RMND5A: variants seen among roughly 807,000 people sequenced by gnomAD.
The protein encoded by RMND5A is E3 ubiquitin-protein transferase RMND5A.
A neutral mutation model predicts 49.7 loss-of-function variants in RMND5A; 17 were observed. The ratio of observed to expected loss-of-function variants is 0.34; its 90% CI spans 0.23 to 0.51. The LOEUF (loss-of-function observed/expected upper bound fraction) is 0.51, where lower values mean the gene tolerates loss of function less well. Among genes scored for constraint, RMND5A ranks in the 20% least tolerant of loss-of-function variants. The probability of loss-of-function intolerance (pLI) is 0.96; values close to 1 mark genes in which losing one functional copy is unlikely to be tolerated. For synonymous variants in RMND5A, 156 were observed against 167.7 expected (o/e 0.93, Z 0.54); for missense variants, 255 against 471.3 (o/e 0.54, Z 4.25).
At chr2:86,750,666 C>T (rs1319514047) in intron 2 of RMND5A, among the ~76,000 whole-genome samples, 1 of 152,028 alleles carries the variant, frequency 6.6e-6, no homozygotes, top group Non-Finnish European at 1.5e-5. Context: ...TTGGGAAATA[C>T]TCTTCAACTA....
chr2:86,765,862 T>C lies in RMND5A; in HGVS notation c.692T>C (p.Ile231Thr). 1 of 1,612,586 alleles carries C rather than the reference T, an allele frequency of 6.2e-7. No individual in the cohort carries two copies. The highest frequency in any genetic ancestry group is 8.5e-7 in the Non-Finnish European group (1 of 1,179,478). Residue 231 changes from isoleucine (I) to threonine (T), a missense_variant, in exon 6 of 9, where the codon ATT (isoleucine) becomes ACT (threonine). Physicochemically the swap from Ile to Thr is moderately conservative, Grantham distance 89. Around this residue, in one of 3 missense-constraint regions of RMND5A, gnomAD observed 208 missense variants for 339.8 expected, o/e 0.61. Coordinates refer to ENST00000283632, the MANE Select transcript of RMND5A (RefSeq NM_022780.4). ...TTCTTGCTGGTGCTTTTTTTAGACATTCAGGTTTTGATGGGAAGCCTTGTG... is the reference window on the plus strand; with the variant it reads ...TTCTTGCTGGTGCTTTTTTTAGACACTCAGGTTTTGATGGGAAGCCTTGTG... Reference protein sequence around the residue: ...QPFALNHQKDIQVLMGSLVYL... With the variant: ...QPFALNHQKDTQVLMGSLVYL...
chr2:86,766,740 C>T (rs932009523), intron 6 of RMND5A, among the ~76,000 whole-genome samples: 8 of 150,934 alleles, frequency 5.3e-5, no homozygotes, highest in Non-Finnish European at 1.0e-4. Context: ...GTAATTCCAG[C>T]ACTTTGGGAG....
chr2:86,771,673 T>C lies in RMND5A; in HGVS notation c.1073T>C (p.Ile358Thr). 6.2e-7 allele frequency: 1 copy of C among 1,613,348 alleles called. No individual in the cohort carries two copies. The highest frequency in any genetic ancestry group is 8.5e-7 in the Non-Finnish European group (1 of 1,179,562). ...ATGAAATTGGTCTGTGGTCATATTA[T>C]ATCAAGAGATGCCCTGAATAAAATG... ...PPMKLVCGHI[I>T]SRDALNKMFN... The change falls in exon 8 of 9, where the codon ATA (isoleucine) becomes ACA (threonine). Residue 358 changes from isoleucine to threonine, a missense_variant. By Grantham distance (89) the Ile-to-Thr change is moderately conservative (BLOSUM62 -1). Coordinates refer to ENST00000283632, the MANE Select transcript of RMND5A (RefSeq NM_022780.4).
At chr2:86,763,874 C>G (rs1672546899) in intron 4 of RMND5A, among the ~76,000 whole-genome samples, 1 of 152,038 alleles carries the variant, frequency 6.6e-6, no homozygotes, top group South Asian at 2.1e-4. Context: ...CCAAGGCTTA[C>G]AAATTTAGGT....
Position 86,753,464 on chromosome 2 carries a change from G to A in RMND5A, c.427G>A (p.Gly143Ser), listed in dbSNP as rs757829694. 9 of 1,592,100 alleles carry A rather than the reference G, an allele frequency of 5.7e-6. No homozygotes were observed. The highest frequency in any genetic ancestry group is 1.3e-5 in the African/African-American group (1 of 74,118). Residue 143 changes from glycine (G) to serine (S), a missense_variant, in exon 4 of 9, where the codon GGT (glycine) becomes AGT (serine). Gly to Ser is a moderately conservative substitution (Grantham distance 56, BLOSUM62 0). Transcript: ENST00000283632. The part of the protein sequence containing the change: ...DVAEELCQES[G>S]LSVDPSQKEP... ...TCTTTCTTTCTTTTTCCAGGAATCT[G>A]GTCTTTCTGTAGACCCAAGTCAGAA...
At chr2:86,764,586 C>G (rs968831034) in intron 4 of RMND5A, among the ~76,000 whole-genome samples, 1 of 152,188 alleles carries the variant, frequency 6.6e-6, no homozygotes, top group Non-Finnish European at 1.5e-5. Context: ...TTTTTAATCA[C>G]AAAGTGAACA....
intron 2 of RMND5A, among the ~76,000 whole-genome samples, chr2:86,751,105 G>A (rs1681626739): frequency 6.6e-6 from 1 of 152,116 alleles, no homozygotes; most frequent in South Asian, 2.1e-4. Flanking sequence ...TTTTGAATAT[G>A]TATTATAGTA....
At chr2:86,766,289 A>G (rs1439628735) in intron 6 of RMND5A, among the ~76,000 whole-genome samples, 1 of 152,192 alleles carries the variant, frequency 6.6e-6, no homozygotes, top group African/African-American at 2.4e-5. Context: ...ACAGTGGTGG[A>G]CTAAACTGCT....
rs1672775219 is a variant in RMND5A at position 86,776,681 on chromosome 2, C to CTCTGT, written c.*3274_*3275insTTCTG. 6.6e-6 allele frequency: 1 copy of CTCTGT among 152,214 alleles called. No homozygotes were observed. Among genetic ancestry groups the CTCTGT allele is most frequent in the African/African-American group, 2.4e-5 (1 of 41,464 alleles). 9.4% of individuals were successfully genotyped at this position (152,214 alleles called of 1,614,324 possible). A position where few individuals can be genotyped will look rare whatever the true frequency, so the allele number is the denominator to read the frequency against. On this transcript the variant is annotated 3_prime_UTR_variant, in exon 9 of 9. Transcript: ENST00000283632. ...TAGCCCTCTGGTTTTCCAGCTCAAC[C>CTCTGT]TCTGATAAAGTGGACTGAGAGCCAC...
intron 4 of RMND5A, among the ~76,000 whole-genome samples, chr2:86,753,985 T>C (rs1681686672): frequency 6.6e-6 from 1 of 152,206 alleles, no homozygotes; most frequent in Non-Finnish European, 1.5e-5. Flanking sequence ...AGAACAAATA[T>C]TTTTATAAAG....
intron 4 of RMND5A, among the ~76,000 whole-genome samples, chr2:86,761,088 T>A (rs906808346): frequency 2.6e-5 from 4 of 151,772 alleles, no homozygotes; most frequent in African/African-American, 9.7e-5. Flanking sequence ...ATTGAAGAAC[T>A]TCACAGCCAG....
intron 4 of RMND5A, among the ~76,000 whole-genome samples, chr2:86,760,689 T>C (rs1425311372): frequency 1.3e-5 from 2 of 152,110 alleles, no homozygotes; most frequent in Non-Finnish European, 2.9e-5. Context: ...TTTACAAAAA[T>C]GGATAATTGG....
At chr2:86,751,748 C>G in intron 2 of RMND5A, 148 bp from the exon 3 acceptor site, 1 of 554,298 alleles carries the variant, frequency 1.8e-6, no homozygotes, top group Non-Finnish European at 3.1e-6. Flanking sequence ...TAGAAAGGAG[C>G]AGTGGAAAAA....
At position 86,776,757 on chromosome 2, in the gene RMND5A, T is replaced by C. The variant is rs968131485; in HGVS notation, c.*3346T>C. The C allele has an allele frequency of 1.3e-5, 2 of 152,236 alleles. No individual in the cohort carries two copies. Among genetic ancestry groups the C allele is most frequent in the African/African-American group, 4.8e-5 (2 of 41,466 alleles). The allele number at this position is 152,236 out of a possible 1,614,324, so 9.4% of individuals were successfully genotyped here. A position where few individuals can be genotyped will look rare whatever the true frequency, so the allele number is the denominator to read the frequency against. On this transcript the variant is annotated 3_prime_UTR_variant, in exon 9 of 9. Coordinates refer to ENST00000283632, the MANE Select transcript of RMND5A (RefSeq NM_022780.4). ...ACTCAGGTTATTTTCAGGGAAGGCA[T>C]GGAGGCATAGTTTGGTTAGTTTCAT...
intron 4 of RMND5A, among the ~76,000 whole-genome samples, chr2:86,763,393 A>AAGGT (rs1444521460): frequency 6.6e-6 from 1 of 152,188 alleles, no homozygotes; most frequent in African/African-American, 2.4e-5. Context: ...GGAAATCTGT[A>AAGGT]AGGTGCCTGG....
chr2:86,763,692 C>T (rs553313923), intron 4 of RMND5A, among the ~76,000 whole-genome samples: 1 of 152,142 alleles, frequency 6.6e-6, no homozygotes, highest in South Asian at 2.1e-4. Flanking sequence ...AGGAGGATCA[C>T]TTGAGCCCGA....
intron 6 of RMND5A, among the ~76,000 whole-genome samples, chr2:86,766,357 AC>A (rs1164366229): frequency 6.6e-6 from 1 of 152,102 alleles, no homozygotes; most frequent in Non-Finnish European, 1.5e-5. Context: ...TGGATTCCTC[AC>A]CACCACACAC....
chr2:86,757,207 A>AAAAAAAAGG (rs70958905), intron 4 of RMND5A, among the ~76,000 whole-genome samples: 1 of 144,576 alleles, frequency 6.9e-6, no homozygotes, highest in Non-Finnish European at 1.5e-5. Flanking sequence ...AAAAAAAAAA[A>AAAAAAAAGG]GTGGAGGTGG....
At chr2:86,763,356 T>C (rs2104406640) in intron 4 of RMND5A, among the ~76,000 whole-genome samples, 1 of 152,270 alleles carries the variant, frequency 6.6e-6, no homozygotes, top group East Asian at 1.9e-4. Flanking sequence ...TTGAAAGTGA[T>C]CTAATTTAAA....
Sources: gnomAD v4.1 joint callset for allele counts (sites outside exome capture counted in the v4.1 genomes callset) on GRCh38, gnomAD v4.1.1 for gene constraint, gnomAD v4.1.1 regional missense constraint, MANE v1.5 for transcripts, NCBI Gene and HGNC (gene_info 2026-07-23, HGNC 2026-07-21) for gene names.